RGS6: variants seen among roughly 807,000 people sequenced by gnomAD.
RGS6 encodes the protein regulator of G protein signaling 6.
In RGS6, 30 loss-of-function variants were observed where a neutral mutation model predicts 78.5. That is an observed-to-expected ratio of 0.38 (90% CI 0.29 to 0.52). The LOEUF is 0.52. Ranked by LOEUF, RGS6 falls within the 20% of genes least tolerant of loss-of-function variation. The pLI is 0.85. For missense variants in RGS6, 495 were observed against 609.7 expected, an observed-to-expected ratio of 0.81 and a Z score of 1.98; for synonymous variants, 206 against 206.0, an observed-to-expected ratio of 1.00 and a Z score of 0.00.
intron 3 of RGS6, among the ~76,000 whole-genome samples, chr14:72,372,875 C>T (rs2083795311): frequency 6.6e-6 from 1 of 152,150 alleles, no homozygotes; most frequent in South Asian, 2.1e-4. Flanking sequence ...GGCCATTTGC[C>T]AGAGTTTGTG....
At chr14:71,955,745 A>G (rs1230645817) in intron 1 of RGS6, among the ~76,000 whole-genome samples, 1 of 151,936 alleles carries the variant, frequency 6.6e-6, no homozygotes, top group African/African-American at 2.4e-5. Context: ...GGTCTTTATG[A>G]CCTGTATCTT....
At chr14:71,907,416 G>A in the RGS6 span, among the ~76,000 whole-genome samples, 1 of 152,144 alleles carries the variant, frequency 6.6e-6, no homozygotes, top group East Asian at 1.9e-4. Context: ...GTGGGGCTGG[G>A]GCGTAGAAGG....
chr14:72,060,541 AATCTT>A (rs1483993785), intron 2 of RGS6, among the ~76,000 whole-genome samples: 2 of 152,072 alleles, frequency 1.3e-5, no homozygotes, highest in African/African-American at 2.4e-5. Context: ...GCTATTTATT[AATCTT>A]ATCTTGTTTC....
intron 14 of RGS6, among the ~76,000 whole-genome samples, chr14:72,511,188 GTACCAGATTTTGGT>G (rs1170939457): frequency 6.6e-6 from 1 of 151,948 alleles, no homozygotes; most frequent in Non-Finnish European, 1.5e-5. Context: ...TTTTTTCTTT[GTACCAGATTTTGGT>G]TTATATAGTA....
At chr14:72,391,953 A>C (rs1345879507) in intron 3 of RGS6, among the ~76,000 whole-genome samples, 1 of 152,166 alleles carries the variant, frequency 6.6e-6, no homozygotes, top group Non-Finnish European at 1.5e-5. Context: ...GCTGCATAGT[A>C]TTCCATGGTG....
In RGS6 at chr14:72,518,436, G is replaced by C; in HGVS notation, c.1177G>C (p.Ala393Pro). 6.2e-7 allele frequency: 1 copy of C among 1,614,234 alleles called. No homozygotes were observed. Among genetic ancestry groups the C allele is most frequent in the Non-Finnish European group, 8.5e-7 (1 of 1,180,042 alleles). ...RVEEIWQEFL[A>P]PGAPSAINLD... Reference sequence around the variant, plus strand: ...AGAAGAAATCTGGCAAGAGTTTCTGGCTCCAGGGGCTCCAAGTGCAATCAA... The same window carrying C: ...AGAAGAAATCTGGCAAGAGTTTCTGCCTCCAGGGGCTCCAAGTGCAATCAA... Residue 393 changes from alanine (A) to proline (P), a missense_variant, in exon 15 of 18, where the codon GCT (alanine) becomes CCT (proline). Transcript: ENST00000553525.
At chr14:72,429,276 A>G (rs1048135027) in intron 3 of RGS6, among the ~76,000 whole-genome samples, 4 of 152,212 alleles carry the variant, frequency 2.6e-5, no homozygotes, top group African/African-American at 9.6e-5. Flanking sequence ...ACACTTTGGG[A>G]ATCACTTCCA....
intron 1 of RGS6, among the ~76,000 whole-genome samples, chr14:71,952,206 G>A (rs2092386114): frequency 6.6e-6 from 1 of 151,968 alleles, no homozygotes; most frequent in Non-Finnish European, 1.5e-5. Flanking sequence ...CAATCTCAGT[G>A]GGAAAGTTTT....
chr14:72,332,382 C>G (rs1352208765), intron 2 of RGS6, among the ~76,000 whole-genome samples: 2 of 152,170 alleles, frequency 1.3e-5, no homozygotes, highest in Non-Finnish European at 2.9e-5. Flanking sequence ...TTCATAACAC[C>G]CCCAGTTCCC....
At chr14:72,437,353 AAAAAAAAAAG>A (rs1354532318) in intron 3 of RGS6, among the ~76,000 whole-genome samples, 1 of 120,186 alleles carries the variant, frequency 8.3e-6, no homozygotes, top group Non-Finnish European at 1.6e-5. Context: ...AAAAAAAAAA[AAAAAAAAAAG>A]GAAAAAAAAA....
At chr14:72,353,018 G>A (rs2079438296) in intron 3 of RGS6, among the ~76,000 whole-genome samples, 1 of 152,150 alleles carries the variant, frequency 6.6e-6, no homozygotes, top group South Asian at 2.1e-4. Flanking sequence ...CTTTTAGAAT[G>A]GCTAAAAATA....
At chr14:72,535,158 A>G (rs1280045534) in intron 15 of RGS6, among the ~76,000 whole-genome samples, 2 of 152,186 alleles carry the variant, frequency 1.3e-5, no homozygotes, top group Non-Finnish European at 2.9e-5. Flanking sequence ...AGGGACCACA[A>G]GATTCTAGGA....
In RGS6 at chr14:72,478,425, G is replaced by A. The variant is rs540793223; in HGVS notation, c.854+96G>A. On this transcript the variant is annotated intron_variant, in intron 12 of 17. Coordinates refer to ENST00000553525, the MANE Select transcript of RGS6 (RefSeq NM_001204424.2). ...TTAACGAATGTGTTCAATGCCAAGA[G>A]TTAGACTGTAGTTATTCCTTAGACT... 42 of 883,008 alleles carry A rather than the reference G, an allele frequency of 4.8e-5. 1 individual carries two copies. The East Asian group carries it at 1.0e-3, about 22-fold the overall frequency. 54.7% of individuals were successfully genotyped at this position (883,008 alleles called of 1,614,324 possible).
At chr14:72,568,148 T>A (rs999020997), downstream of RGS6, among the ~76,000 whole-genome samples, 1 of 152,182 alleles carries the variant, frequency 6.6e-6, no homozygotes, top group Non-Finnish European at 1.5e-5. Context: ...TGGCCAGGTC[T>A]GGCTTATTTC....
the RGS6 span, among the ~76,000 whole-genome samples, chr14:71,876,785 A>G: frequency 6.6e-6 from 1 of 152,048 alleles, no homozygotes; most frequent in African/African-American, 2.4e-5. Flanking sequence ...GGTCTTTACA[A>G]TTTGGTATGT....
intron 2 of RGS6, among the ~76,000 whole-genome samples, chr14:72,141,976 G>A (rs1373047135): frequency 6.6e-6 from 1 of 151,576 alleles, no homozygotes; most frequent in African/African-American, 2.4e-5. Context: ...ACATATTGAA[G>A]TAACTTCTAC....
At chr14:72,506,043 A>G (rs2096794371) in intron 13 of RGS6, among the ~76,000 whole-genome samples, 1 of 152,222 alleles carries the variant, frequency 6.6e-6, no homozygotes, top group Admixed American at 6.5e-5. Flanking sequence ...GGCACAGAGG[A>G]CAAATAAGAG....
chr14:72,518,483 G>C lies in RGS6; in HGVS notation c.1224G>C (p.Glu408Asp). ...TCAACCTGGATTCTCACAGCTATGA[G>C]ATAACCAGTCAAAATGTCAAAGATG... ...SAINLDSHSYEITSQNVKDGG... is the reference protein window; with the variant it reads ...SAINLDSHSYDITSQNVKDGG... The change falls in exon 15 of 18, where the codon GAG (glutamate) becomes GAC (aspartate). Residue 408 changes from glutamate to aspartate, a missense_variant. Transcript: ENST00000553525. The C allele has an allele frequency of 1.2e-6, 2 of 1,614,230 alleles. No individual in the cohort carries two copies. Among genetic ancestry groups the C allele is most frequent in the Non-Finnish European group, 1.7e-6 (2 of 1,180,040 alleles).
chr14:71,872,600 A>G, the RGS6 span, among the ~76,000 whole-genome samples: 30 of 152,332 alleles, frequency 2.0e-4, no homozygotes, highest in East Asian at 5.6e-3. Context: ...AAGACAGTCT[A>G]TTCCAAAACC....
Sources: allele counts gnomAD v4.1 joint callset (sites outside exome capture counted in the v4.1 genomes callset), GRCh38; gene constraint gnomAD v4.1.1; transcripts MANE v1.5; gene names NCBI Gene and HGNC (gene_info 2026-07-23, HGNC 2026-07-21).